Variants in BMPR2 observed in about 807,000 individuals in gnomAD.
BMPR2 encodes bone morphogenetic protein receptor type 2, also known as bone morphogenetic protein receptor type-2.
In BMPR2, 29 loss-of-function variants were observed where a neutral mutation model predicts 100.8. The observed-to-expected ratio is 0.29, with a 90% CI of 0.21 to 0.39. BMPR2 has a LOEUF of 0.39. Ranked by LOEUF, BMPR2 falls within the 10% of genes least tolerant of loss-of-function variation. BMPR2 has a pLI of 1.00. For synonymous variants in BMPR2, 382 were observed against 442.3 expected (o/e 0.86, Z 1.71); for missense variants, 1,011 against 1,274.5 (o/e 0.79, Z 3.15).
rs1690588521 is a variant in BMPR2, at chr2:202,393,354, C to T, written c.76+15804C>T. Among the ~76,000 whole-genome samples, 4 of 152,188 alleles carry T rather than the reference C, an allele frequency of 2.6e-5. No homozygotes were observed. The South Asian group carries it at 8.3e-4, about 32-fold the overall frequency. On this transcript the variant is annotated intron_variant, in intron 1 of 12. Transcript: ENST00000374580. ...TCTTTCTATCTCCACCCAAACTGCC[C>T]CAGCTTGGTGTAGCCTTATTGCCCT...
At chr2:202,379,138 T>C (rs1017764162) in intron 1 of BMPR2, among the ~76,000 whole-genome samples, 1 of 152,196 alleles carries the variant, frequency 6.6e-6, no homozygotes, top group East Asian at 1.9e-4. Flanking sequence ...TCTTTGGTAT[T>C]GCATAGCACC....
chr2:202,546,546 G>A (rs1171921391), intron 10 of BMPR2, among the ~76,000 whole-genome samples: 1 of 152,156 alleles, frequency 6.6e-6, no homozygotes, highest in Non-Finnish European at 1.5e-5. Flanking sequence ...ATATGTTTCA[G>A]AATTTACAGT....
intron 1 of BMPR2, among the ~76,000 whole-genome samples, chr2:202,436,614 A>G (rs1244072288): frequency 6.6e-6 from 1 of 150,828 alleles, no homozygotes; most frequent in African/African-American, 2.5e-5. Flanking sequence ...GCCACCCCTG[A>G]AAACATCTAA....
At chr2:202,488,951 C>T (rs369198156) in intron 3 of BMPR2, among the ~76,000 whole-genome samples, 1 of 151,682 alleles carries the variant, frequency 6.6e-6, no homozygotes, top group Admixed American at 6.6e-5. Context: ...AATTTTACTA[C>T]TTGAGATACC....
intron 1 of BMPR2, among the ~76,000 whole-genome samples, chr2:202,434,524 C>A (rs932392936): frequency 6.7e-6 from 1 of 150,374 alleles, no homozygotes; most frequent in African/African-American, 2.5e-5. Context: ...CCTGCTCATT[C>A]CTGTCATCAA....
At chr2:202,535,876 G>A (rs970679113) in intron 9 of BMPR2, among the ~76,000 whole-genome samples, 13 of 152,098 alleles carry the variant, frequency 8.5e-5, no homozygotes, top group Middle Eastern at 3.2e-3. Flanking sequence ...CGCGGTTAGG[G>A]GCTGGAGACC....
intron 3 of BMPR2, among the ~76,000 whole-genome samples, chr2:202,513,090 G>A (rs1227167828): frequency 1.3e-5 from 2 of 151,480 alleles, no homozygotes; most frequent in Non-Finnish European, 2.9e-5. Context: ...ATAGCCCCCT[G>A]AGTAGCTGGG....
At chr2:202,548,632 AC>A (rs969674995) in intron 10 of BMPR2, among the ~76,000 whole-genome samples, 2 of 152,112 alleles carry the variant, frequency 1.3e-5, no homozygotes, top group Admixed American at 1.3e-4. Context: ...GATCCAACTT[AC>A]GTTTTCCTTC....
intron 8 of BMPR2, among the ~76,000 whole-genome samples, chr2:202,531,873 C>T (rs1688035383): frequency 2.0e-5 from 3 of 151,292 alleles, no homozygotes; most frequent in African/African-American, 7.3e-5. Flanking sequence ...GGTGATCCAC[C>T]CACCTTGGCC....
intron 9 of BMPR2, among the ~76,000 whole-genome samples, chr2:202,538,604 C>G (rs1333286618): frequency 2.6e-5 from 4 of 152,034 alleles, no homozygotes; most frequent in Non-Finnish European, 5.9e-5. Flanking sequence ...CCAGCCTGAC[C>G]AACGTGGTGA....
chr2:202,456,468 G>A (rs1482887278), intron 1 of BMPR2, among the ~76,000 whole-genome samples: 1 of 150,686 alleles, frequency 6.6e-6, no homozygotes, highest in Admixed American at 6.6e-5. Flanking sequence ...GCGAATCACT[G>A]CGCCCGACCG....
At chr2:202,414,134 C>T (rs914424262) in intron 1 of BMPR2, among the ~76,000 whole-genome samples, 1 of 152,162 alleles carries the variant, frequency 6.6e-6, no homozygotes, top group Non-Finnish European at 1.5e-5. Context: ...AGCATGTGCT[C>T]TTTTCATGTC....
chr2:202,383,672 CAAAAAAAA>C (rs568495261), intron 1 of BMPR2, among the ~76,000 whole-genome samples: 2 of 105,308 alleles, frequency 1.9e-5, no homozygotes, highest in African/African-American at 3.2e-5. Context: ...GAAACTCTGT[CAAAAAAAA>C]AAAAAAAAGA....
At chr2:202,445,249 A>G (rs1417044382) in intron 1 of BMPR2, among the ~76,000 whole-genome samples, 1 of 150,182 alleles carries the variant, frequency 6.7e-6, no homozygotes, top group Non-Finnish European at 1.5e-5. Context: ...TATATTTAAG[A>G]CAGAGTCTCC....
At chr2:202,482,226 T>A (rs551329171) in intron 3 of BMPR2, among the ~76,000 whole-genome samples, 2 of 152,262 alleles carry the variant, frequency 1.3e-5, no homozygotes, top group East Asian at 3.9e-4. Context: ...TCATCCATCG[T>A]GGACACTTGA....
chr2:202,507,749 G>A (rs1261648113), intron 3 of BMPR2, among the ~76,000 whole-genome samples: 1 of 151,040 alleles, frequency 6.6e-6, no homozygotes, highest in Non-Finnish European at 1.5e-5. Flanking sequence ...GCCCATGCTG[G>A]AGTGCAATGG....
intron 1 of BMPR2, among the ~76,000 whole-genome samples, chr2:202,412,941 C>A (rs1286435470): frequency 1.3e-5 from 2 of 152,014 alleles, no homozygotes; most frequent in Admixed American, 6.6e-5. Flanking sequence ...TACACACTTA[C>A]ATGCTGTTGA....
chr2:202,467,758 A>T (rs1237862732), intron 3 of BMPR2, 69 bp downstream of exon 3: 5 of 1,509,768 alleles, frequency 3.3e-6, no homozygotes, highest in South Asian at 1.1e-5. Flanking sequence ...AAAAAAACTT[A>T]AAAAACATTC....
intron 1 of BMPR2, among the ~76,000 whole-genome samples, chr2:202,427,940 G>GT (rs1691424325): frequency 6.6e-6 from 1 of 152,122 alleles, no homozygotes; most frequent in South Asian, 2.1e-4. Flanking sequence ...GATCATGCCA[G>GT]TGTGCTCCAG....
Sources: allele counts gnomAD v4.1 joint callset (sites outside exome capture counted in the v4.1 genomes callset), GRCh38; gene constraint gnomAD v4.1.1; transcripts MANE v1.5; gene names NCBI Gene and HGNC (gene_info 2026-07-23, HGNC 2026-07-21).